Variants in RNF213 observed in about 807,000 individuals in gnomAD.
RNF213 encodes ring finger protein 213.
Under a neutral mutation model 514.4 loss-of-function variants are expected in RNF213, and 341 were observed. The ratio of observed to expected loss-of-function variants is 0.66; its 90% CI spans 0.61 to 0.73. The LOEUF (loss-of-function observed/expected upper bound fraction) is 0.73, where lower values mean the gene tolerates loss of function less well. Among genes scored for constraint, RNF213 ranks in the 30% least tolerant of loss-of-function variants. The probability of loss-of-function intolerance (pLI) is 0.00; values close to 1 mark genes in which losing one functional copy is unlikely to be tolerated. For synonymous variants in RNF213, 2,655 were observed against 2,658.2 expected, an observed-to-expected ratio of 1.00 and a Z score of 0.04; for missense variants, 5,767 against 6,615.6, an observed-to-expected ratio of 0.87 and a Z score of 4.45.
chr17:80,275,944 G>A (rs1166163067), intron 3 of RNF213, among the ~76,000 whole-genome samples: 2 of 150,082 alleles, frequency 1.3e-5, no homozygotes, highest in Non-Finnish European at 3.0e-5. Context: ...TTACAGGCGT[G>A]AGCCACCATG....
In RNF213 at chr17:80,289,894, C is replaced by T. The variant is rs954905844; in HGVS notation, c.1112+57C>T. The stretch of plus-strand genomic sequence containing the variant: ...ACCCTGCCTGAGAGCCCGGCACACC[C>T]TCTCCCTGCACAACTCTCAGGGGAT... On this transcript the variant is annotated intron_variant, in intron 6 of 67. Coordinates refer to ENST00000582970, the MANE Select transcript of RNF213 (RefSeq NM_001256071.3). The T allele has an allele frequency of 1.8e-5, 27 of 1,520,398 alleles. 1 individual carries two copies. The East Asian group carries it at 5.7e-4, about 32-fold the overall frequency. The allele number at this position is 1,520,398 out of a possible 1,614,324, so 94.2% of individuals were successfully genotyped here.
chr17:80,354,562 G>A lies in RNF213; in HGVS notation c.10848G>A (p.Glu3616=), dbSNP rs767340671. 1.9e-6 allele frequency: 3 copies of A among 1,614,238 alleles called. No homozygotes were observed. The highest frequency in any genetic ancestry group is 2.5e-6 in the Non-Finnish European group (3 of 1,180,054). The change falls in exon 36 of 68, where the codon GAG becomes GAA. Residue 3616 remains glutamate, a synonymous_variant. Transcript: ENST00000582970. ...REACNQDALQ[E]AGTFRHTLWK... is the part of the protein sequence containing the mutation. ...CCTGCAACCAGGACGCTCTCCAGGA[G>A]GCGGGCACATTCAGGTACTGTGACT...
At chr17:80,342,997 G>A (rs1003450235) in intron 26 of RNF213, 135 bp from the exon 27 acceptor site, 39 of 708,334 alleles carry the variant, frequency 5.5e-5, no homozygotes, top group Middle Eastern at 2.8e-4. Context: ...TAGTAGGGAC[G>A]GGATTTCACC....
chr17:80,290,720 C>T lies in RNF213; in HGVS notation c.1263C>T (p.His421=). 1.2e-6 allele frequency: 2 copies of T among 1,614,156 alleles called. No homozygotes were observed. The highest frequency in any genetic ancestry group is 1.7e-6 in the Non-Finnish European group (2 of 1,180,022). The change falls in exon 7 of 68, where the codon CAC becomes CAT. Residue 421 remains histidine (H), a synonymous_variant. Coordinates refer to ENST00000582970, the MANE Select transcript of RNF213 (RefSeq NM_001256071.3). ...SKWDSNICEL[H]YTRDLGHDRV... The stretch of plus-strand genomic sequence containing the variant: ...GGGACAGCAATATCTGTGAGCTGCA[C>T]TACACCAGGTGAGCGTGTCTGTAGG...
intron 32 of RNF213, chr17:80,352,713 C>T (rs1224039170): frequency 2.5e-5 from 17 of 674,482 alleles, no homozygotes; most frequent in Non-Finnish European, 4.0e-5. Context: ...CAGGTCTTAC[C>T]GTTGCTGCTT....
chr17:80,321,932 G>T (rs1038385678), intron 17 of RNF213, among the ~76,000 whole-genome samples: 5 of 151,732 alleles, frequency 3.3e-5, no homozygotes, highest in African/African-American at 1.2e-4. Flanking sequence ...TGCCGTGTGG[G>T]TCATGATGGT....
chr17:80,385,676 GCTCTT>G (rs976590950), intron 61 of RNF213, 55 bp downstream of exon 61: 2 of 1,485,502 alleles, frequency 1.3e-6, no homozygotes, highest in Non-Finnish European at 1.9e-6. Flanking sequence ...TCGTCTGAAA[GCTCTT>G]CTCGTCAGCC....
intron 3 of RNF213, among the ~76,000 whole-genome samples, chr17:80,273,812 G>A (rs147636729): frequency 2.8e-4 from 42 of 151,980 alleles, no homozygotes; most frequent in Admixed American, 1.9e-3. Flanking sequence ...TAGAGACGGG[G>A]TTTCACCATG....
chr17:80,285,094 T>A (rs1036844357), intron 3 of RNF213, among the ~76,000 whole-genome samples: 4 of 152,220 alleles, frequency 2.6e-5, no homozygotes. Flanking sequence ...ACACCTGCTG[T>A]GTGTGGACAG....
chr17:80,323,119 T>C (rs2046190575), intron 17 of RNF213, among the ~76,000 whole-genome samples: 1 of 152,248 alleles, frequency 6.6e-6, no homozygotes, highest in African/African-American at 2.4e-5. Flanking sequence ...GACATCCAGT[T>C]GTCCCAGCAT....
intron 17 of RNF213, among the ~76,000 whole-genome samples, chr17:80,323,054 T>TA (rs1380505209): frequency 1.3e-5 from 2 of 152,208 alleles, no homozygotes; most frequent in Non-Finnish European, 2.9e-5. Context: ...AGTTCCTTTT[T>TA]ATATATGGTG....
intron 44 of RNF213, among the ~76,000 whole-genome samples, chr17:80,368,733 G>A (rs1263378098): frequency 6.6e-6 from 1 of 152,174 alleles, no homozygotes; most frequent in Non-Finnish European, 1.5e-5. Flanking sequence ...ACACCTGGCC[G>A]ACGCCACTGG....
Position 80,325,032 on chromosome 17 carries a change from T to G in RNF213, c.3027T>G (p.Ser1009=), listed in dbSNP as rs1568073571. 1.3e-6 allele frequency: 2 copies of G among 1,537,130 alleles called. No individual in the cohort carries two copies. The highest frequency in any genetic ancestry group is 1.7e-6 in the Non-Finnish European group (2 of 1,146,812). Residue 1009 remains serine (S), a splice_region_variant and synonymous_variant, in exon 18 of 68, where the codon TCT becomes TCG. Transcript: ENST00000582970. Reference sequence around the variant, plus strand: ...CTCTTTTATTAATTTTCTTGTAGTCTCAGACCAGTATCCTTCAGGGGTTCT... The same window carrying G: ...CTCTTTTATTAATTTTCTTGTAGTCGCAGACCAGTATCCTTCAGGGGTTCT... ...IIEAVSSACQ[S]QTSILQGFSY... is the part of the protein sequence containing the mutation.
intron 51 of RNF213, 128 bp from the exon 52 acceptor site, chr17:80,376,173 C>G: frequency 8.9e-7 from 1 of 1,129,196 alleles, no homozygotes; most frequent in Non-Finnish European, 1.3e-6. Context: ...AAAATTTCCC[C>G]CTCAAATGGT....
intron 2 of RNF213, among the ~76,000 whole-genome samples, chr17:80,270,755 C>A (rs765920959): frequency 1.3e-5 from 2 of 152,192 alleles, no homozygotes; most frequent in Non-Finnish European, 2.9e-5. Flanking sequence ...TGAAACCCAG[C>A]TCTCCTAGGC....
At chr17:80,305,411 C>T (rs1408136278) in intron 11 of RNF213, among the ~76,000 whole-genome samples, 1 of 151,910 alleles carries the variant, frequency 6.6e-6, no homozygotes, top group East Asian at 1.9e-4. Flanking sequence ...CTCCCAACCT[C>T]AGGTGATCTG....
At chr17:80,361,260 G>A (rs936327010) in intron 38 of RNF213, among the ~76,000 whole-genome samples, 1 of 152,196 alleles carries the variant, frequency 6.6e-6, no homozygotes, top group Non-Finnish European at 1.5e-5. Context: ...GCCAGGCGCA[G>A]TGGTTCACAA....
intron 3 of RNF213, among the ~76,000 whole-genome samples, chr17:80,287,170 A>T (rs1303372579): frequency 7.7e-6 from 1 of 129,340 alleles, no homozygotes; most frequent in Non-Finnish European, 1.6e-5. Flanking sequence ...GACCAGCCTG[A>T]GCAACATGGG....
In RNF213 at chr17:80,279,672, T is replaced by C. The variant is rs562915486; in HGVS notation, c.261+6268T>C. 1.3e-5 allele frequency among the ~76,000 whole-genome samples: 2 copies of C among 152,172 alleles called. 1 individual carries two copies. Among genetic ancestry groups the C allele is most frequent in the Admixed American group, 1.3e-4 (2 of 15,270 alleles). ...TTAGTAGAGACGGGGTTTCACCATG[T>C]TGGCCAGGCTGGTCTCGAACTCCTG... On this transcript the variant is annotated intron_variant, in intron 3 of 67. Coordinates refer to ENST00000582970, the MANE Select transcript of RNF213 (RefSeq NM_001256071.3).
Sources: gnomAD v4.1 joint callset for allele counts (sites outside exome capture counted in the v4.1 genomes callset) on GRCh38, gnomAD v4.1.1 for gene constraint, MANE v1.5 for transcripts, NCBI Gene and HGNC (gene_info 2026-07-23, HGNC 2026-07-21) for gene names.